GALNTL6: variants seen among roughly 807,000 people sequenced by gnomAD.
The protein encoded by GALNTL6 is polypeptide N-acetylgalactosaminyltransferase-like 6.
Under a neutral mutation model 73.7 loss-of-function variants are expected in GALNTL6, and 46 were observed. The observed-to-expected ratio is 0.62, with a 90% confidence interval of 0.49 to 0.80. The LOEUF (loss-of-function observed/expected upper bound fraction) is 0.80. GALNTL6 is among the 30% of genes least tolerant of loss of function. GALNTL6 has a pLI of 0.00. For synonymous variants in GALNTL6, 259 were observed against 263.7 expected, an observed-to-expected ratio of 0.98 and a Z score of 0.17; for missense variants, 604 against 755.0, an observed-to-expected ratio of 0.80 and a Z score of 2.34.
intron 5 of GALNTL6, among the ~76,000 whole-genome samples, chr4:172,782,594 C>T (rs1443975731): frequency 6.6e-6 from 1 of 152,012 alleles, no homozygotes; most frequent in African/African-American, 2.4e-5. Context: ...AATCTATCTC[C>T]CCCAACCCCC....
chr4:173,011,920 T>C (rs1752570678), intron 11 of GALNTL6, among the ~76,000 whole-genome samples: 1 of 152,046 alleles, frequency 6.6e-6, no homozygotes. Context: ...TCTTGTATTT[T>C]AGAGATGGGG....
At chr4:173,026,454 G>A (rs1174625475) in intron 12 of GALNTL6, among the ~76,000 whole-genome samples, 1 of 152,186 alleles carries the variant, frequency 6.6e-6, no homozygotes, top group African/African-American at 2.4e-5. Flanking sequence ...TAAGGCCGGA[G>A]AAAGTCCTTA....
At chr4:171,967,447 G>GTTTTTTGTT (rs1553976625) in intron 2 of GALNTL6, among the ~76,000 whole-genome samples, 701 of 14,310 alleles carry the variant, frequency 0.049, 4 homozygotes, top group East Asian at 0.21. Flanking sequence ...CCCCCTATGG[G>GTTTTTTGTT]TTTTTTTTTT....
intron 8 of GALNTL6, among the ~76,000 whole-genome samples, chr4:172,911,810 TG>T (rs1266006766): frequency 6.6e-6 from 1 of 152,238 alleles, no homozygotes; most frequent in Non-Finnish European, 1.5e-5. Context: ...TCCTTCCAGT[TG>T]TTCCTTCCTT....
intron 10 of GALNTL6, among the ~76,000 whole-genome samples, chr4:172,984,575 A>G (rs907330529): frequency 6.6e-6 from 1 of 152,182 alleles, no homozygotes; most frequent in African/African-American, 2.4e-5. Context: ...ATTCTCAAAA[A>G]GAGTCTGTGT....
At chr4:172,402,115 T>C (rs75074794) in intron 5 of GALNTL6, among the ~76,000 whole-genome samples, 3,703 of 152,222 alleles carry the variant, frequency 0.024, 138 homozygotes, top group African/African-American at 0.082. Flanking sequence ...ATGAAATATC[T>C]TCAATAAATG....
intron 2 of GALNTL6, among the ~76,000 whole-genome samples, chr4:172,165,021 T>C (rs1277234378): frequency 6.6e-6 from 1 of 152,104 alleles, no homozygotes; most frequent in Non-Finnish European, 1.5e-5. Flanking sequence ...CCAAAGAGGT[T>C]AAGGAAAATC....
At chr4:172,046,271 A>C (rs1345372462) in intron 2 of GALNTL6, among the ~76,000 whole-genome samples, 2 of 152,084 alleles carry the variant, frequency 1.3e-5, no homozygotes. Flanking sequence ...CGTACCCAGA[A>C]GTGAGCTTGT....
intron 2 of GALNTL6, among the ~76,000 whole-genome samples, chr4:172,078,239 T>C (rs1731767848): frequency 6.6e-6 from 1 of 152,186 alleles, no homozygotes; most frequent in Admixed American, 6.5e-5. Flanking sequence ...CACCTTGCTA[T>C]TCTCGTGATA....
chr4:172,914,779 G>A (rs896359046), intron 8 of GALNTL6, among the ~76,000 whole-genome samples: 1 of 152,098 alleles, frequency 6.6e-6, no homozygotes, highest in Non-Finnish European at 1.5e-5. Context: ...AAGAGATATA[G>A]ACCCCCAAGC....
At chr4:172,718,137 C>G (rs942734109) in intron 5 of GALNTL6, among the ~76,000 whole-genome samples, 1 of 152,100 alleles carries the variant, frequency 6.6e-6, no homozygotes, top group Non-Finnish European at 1.5e-5. Context: ...AATACATAAT[C>G]TTTAGCAACT....
At chr4:172,750,965 A>T (rs951791459) in intron 5 of GALNTL6, among the ~76,000 whole-genome samples, 1 of 152,150 alleles carries the variant, frequency 6.6e-6, no homozygotes, top group African/African-American at 2.4e-5. Context: ...GTATCTCCAA[A>T]AAAGGAGTCC....
intron 2 of GALNTL6, among the ~76,000 whole-genome samples, chr4:172,138,514 T>TATATATATATATATA (rs397956593): frequency 3.5e-3 from 14 of 4,024 alleles, no homozygotes; most frequent in East Asian, 9.6e-3. Flanking sequence ...TATATATATA[T>TATATATATATATATA]TTTTTTTTTT....
At chr4:172,418,391 G>A (rs1730922586) in intron 5 of GALNTL6, among the ~76,000 whole-genome samples, 1 of 152,048 alleles carries the variant, frequency 6.6e-6, no homozygotes, top group African/African-American at 2.4e-5. Flanking sequence ...AACCCAGCAG[G>A]GCCTTAAATG....
At chr4:171,944,825 C>T (rs1310851326) in intron 2 of GALNTL6, among the ~76,000 whole-genome samples, 1 of 150,392 alleles carries the variant, frequency 6.6e-6, no homozygotes, top group African/African-American at 2.5e-5. Flanking sequence ...AAAAAAAAAT[C>T]TCACCTGTAC....
chr4:172,199,148 G>A (rs950414849), intron 2 of GALNTL6, among the ~76,000 whole-genome samples: 3 of 152,152 alleles, frequency 2.0e-5, no homozygotes, highest in African/African-American at 7.2e-5. Context: ...AGGTCCCATA[G>A]AGTAAGCATT....
At chr4:172,450,975 G>A (rs572893056) in intron 5 of GALNTL6, among the ~76,000 whole-genome samples, 2 of 151,988 alleles carry the variant, frequency 1.3e-5, no homozygotes, top group Non-Finnish European at 2.9e-5. Flanking sequence ...GTCTGTCTTT[G>A]CCTATGATAA....
intron 5 of GALNTL6, among the ~76,000 whole-genome samples, chr4:172,387,396 C>G (rs1323622711): frequency 6.6e-6 from 1 of 151,938 alleles, no homozygotes; most frequent in African/African-American, 2.4e-5. Flanking sequence ...TTTTCTCTTT[C>G]CTTTTTGAAA....
At chr4:172,720,705 C>T (rs936370338) in intron 5 of GALNTL6, among the ~76,000 whole-genome samples, 5 of 152,148 alleles carry the variant, frequency 3.3e-5, no homozygotes, top group African/African-American at 9.7e-5. Flanking sequence ...ATGTAGACAG[C>T]CCTGTAGGAT....
Sources: allele counts gnomAD v4.1 joint callset (sites outside exome capture counted in the v4.1 genomes callset), GRCh38; gene constraint gnomAD v4.1.1; transcripts MANE v1.5; gene names NCBI Gene and HGNC (gene_info 2026-07-23, HGNC 2026-07-21).